SPRY3: variants seen among roughly 807,000 people sequenced by gnomAD.
SPRY3 encodes the protein protein sprouty homolog 3.
Under a neutral mutation model 20.2 loss-of-function variants are expected in SPRY3, and 15 were observed. The ratio of observed to expected loss-of-function variants is 0.74; its 90% CI spans 0.50 to 1.14. SPRY3 has a LOEUF of 1.14. SPRY3 is among the 50% of genes most tolerant of loss of function. The pLI is 0.00. For synonymous variants in SPRY3, 143 were observed against 136.5 expected (o/e 1.05, Z -0.33); for missense variants, 364 against 363.9 (o/e 1.00, Z 0.00).
intron 2 of SPRY3, among the ~76,000 whole-genome samples, chrX:155,721,710 A>G (rs2091059668): frequency 6.6e-6 from 1 of 152,174 alleles, no homozygotes; most frequent in Non-Finnish European, 1.5e-5. Context: ...TCTGGCAAAA[A>G]TTATCCTTCG....
At chrX:155,650,383 T>G (rs1440612088) in intron 1 of SPRY3, among the ~76,000 whole-genome samples, 1 of 112,049 alleles carries the variant, frequency 8.9e-6, no homozygotes, top group African/African-American at 3.2e-5. Context: ...TGGTTATTTC[T>G]TCTTTAATTT....
At chrX:155,758,325 G>A (rs1424751033) in intron 2 of SPRY3, among the ~76,000 whole-genome samples, 3 of 152,128 alleles carry the variant, frequency 2.0e-5, no homozygotes, top group Non-Finnish European at 2.9e-5. Flanking sequence ...AGAATGACTT[G>A]CTAAAGCCAC....
At chrX:155,677,064 C>A (rs759705052) in intron 2 of SPRY3, among the ~76,000 whole-genome samples, 1 of 111,630 alleles carries the variant, frequency 9.0e-6, no homozygotes, top group South Asian at 3.8e-4. Context: ...TTAATTAAAT[C>A]ATATAATTGT....
In SPRY3 at chrX:155,718,554, A is replaced by C. The variant is rs2091036503; in HGVS notation, c.-281-49408A>C. On this transcript the variant is annotated intron_variant, in intron 2 of 3. Coordinates refer to ENST00000675360, the Ensembl canonical transcript of SPRY3. Reference sequence around the variant, plus strand: ...ATATGGCATATAAAATCAATGAGACAAAAGGGTGTTTGAACAATTAACCGG... The same window carrying C: ...ATATGGCATATAAAATCAATGAGACCAAAGGGTGTTTGAACAATTAACCGG... 2.6e-5 allele frequency among the ~76,000 whole-genome samples: 4 copies of C among 152,284 alleles called. No homozygotes were observed. The South Asian group carries it at 8.3e-4, about 32-fold the overall frequency.
At chrX:155,726,303 G>T (rs2091096532) in intron 2 of SPRY3, among the ~76,000 whole-genome samples, 1 of 152,132 alleles carries the variant, frequency 6.6e-6, no homozygotes, top group African/African-American at 2.4e-5. Flanking sequence ...CTGTTGATTT[G>T]GGGTGCAGAG....
At chrX:155,730,700 T>C (rs774600159) in intron 2 of SPRY3, among the ~76,000 whole-genome samples, 115 of 152,110 alleles carry the variant, frequency 7.6e-4, no homozygotes, top group African/African-American at 2.6e-3. Flanking sequence ...GGCCTCCAAA[T>C]TGGAAAGGAG....
chrX:155,683,502 A>T (rs955559729), intron 2 of SPRY3, among the ~76,000 whole-genome samples: 1 of 112,200 alleles, frequency 8.9e-6, no homozygotes, highest in Non-Finnish European at 1.9e-5. Context: ...TATGTACATT[A>T]CTTTTTAGAC....
At chrX:155,706,838 T>C (rs2090955152) in intron 2 of SPRY3, among the ~76,000 whole-genome samples, 1 of 151,070 alleles carries the variant, frequency 6.6e-6, no homozygotes, top group Non-Finnish European at 1.5e-5. Context: ...TTTTAATCTG[T>C]AGTTAAAATT....
At chrX:155,707,032 G>A (rs2090956572) in intron 2 of SPRY3, among the ~76,000 whole-genome samples, 1 of 149,816 alleles carries the variant, frequency 6.7e-6, no homozygotes, top group Non-Finnish European at 1.5e-5. Context: ...TCCTTTCCTT[G>A]CTTTAGGTTT....
intron 2 of SPRY3, among the ~76,000 whole-genome samples, chrX:155,692,182 CTT>C (rs1569562644): frequency 1.8e-5 from 2 of 109,043 alleles, no homozygotes; most frequent in African/African-American, 6.9e-5. Flanking sequence ...ATGGGTACAG[CTT>C]TATATTTTAC....
At position 155,671,511 on chromosome X, in the gene SPRY3, A is replaced by G. The variant is rs1009424038; in HGVS notation, c.-282+14486A>G. Among the ~76,000 whole-genome samples, 12 of 111,232 alleles carry G rather than the reference A, an allele frequency of 1.1e-4. 3 individuals are homozygous for G. The highest frequency in any genetic ancestry group is 1.0e-3 in the Admixed American group (11 of 10,496). ...CATTCCAAGTCCTAATAATTATCCAACTATTTCATTCAAACATTTGTTTTG... is the reference window on the plus strand; with the variant it reads ...CATTCCAAGTCCTAATAATTATCCAGCTATTTCATTCAAACATTTGTTTTG... On this transcript the variant is annotated intron_variant, in intron 2 of 3. Transcript: ENST00000675360.
intron 2 of SPRY3, among the ~76,000 whole-genome samples, chrX:155,758,294 G>A (rs1345575286): frequency 6.6e-6 from 1 of 152,076 alleles, no homozygotes; most frequent in Non-Finnish European, 1.5e-5. Flanking sequence ...CACAGATAAG[G>A]AAAATAGGGC....
exon 4 of SPRY3, chrX:155,775,303 C>G (rs757024193): frequency 5.9e-6 from 1 of 168,912 alleles, no homozygotes; most frequent in East Asian, 1.9e-4. Context: ...TACTTTTTCT[C>G]TTTCTTCCTC....
chrX:155,729,680 A>G (rs1054835088), intron 2 of SPRY3, among the ~76,000 whole-genome samples: 11 of 151,942 alleles, frequency 7.2e-5, no homozygotes, highest in African/African-American at 2.4e-4. Flanking sequence ...AAAACAAACC[A>G]AAAGTTAGTA....
chrX:155,641,414 T>C (rs1557351392), intron 1 of SPRY3, among the ~76,000 whole-genome samples: 3 of 114,627 alleles, frequency 2.6e-5, no homozygotes, highest in African/African-American at 9.5e-5. Flanking sequence ...ATTCTTGCCT[T>C]AGCCACACCA....
chrX:155,638,331 T>A (rs1557351203), intron 1 of SPRY3, among the ~76,000 whole-genome samples: 1 of 2,832 alleles, frequency 3.5e-4, no homozygotes, highest in Non-Finnish European at 1.6e-3. Flanking sequence ...TATATATATA[T>A]ATATATATAT....
exon 4 of SPRY3, chrX:155,774,804 T>C: frequency 6.6e-7 from 1 of 1,519,480 alleles, no homozygotes; most frequent in African/African-American, 1.4e-5. Context: ...ATAGGCCTCA[T>C]CTTTGGAGAG....
intron 2 of SPRY3, among the ~76,000 whole-genome samples, chrX:155,740,719 T>A (rs1251838448): frequency 6.6e-6 from 1 of 152,130 alleles, no homozygotes; most frequent in South Asian, 2.1e-4. Context: ...TAGACCCTTA[T>A]CAGTAGTTAT....
chrX:155,621,609 C>T (rs1340852486), intron 1 of SPRY3, among the ~76,000 whole-genome samples: 5 of 111,789 alleles, frequency 4.5e-5, no homozygotes, highest in Non-Finnish European at 9.4e-5. Context: ...AAAAATGTGT[C>T]TTCAAGGGTC....
Sources: gnomAD v4.1 joint callset for allele counts (sites outside exome capture counted in the v4.1 genomes callset) on GRCh38, gnomAD v4.1.1 for gene constraint, MANE v1.5 for transcripts, NCBI Gene and HGNC (gene_info 2026-07-23, HGNC 2026-07-21) for gene names.